UNK: variants seen among roughly 807,000 people sequenced by gnomAD.
UNK encodes unk zinc finger.
Under a neutral mutation model 97.6 loss-of-function variants are expected in UNK, and 32 were observed. The ratio of observed to expected loss-of-function variants is 0.33; its 90% CI spans 0.25 to 0.44. UNK has a LOEUF of 0.44. UNK is among the 20% of genes least tolerant of loss of function. The pLI is 1.00. For synonymous variants in UNK, 441 were observed against 461.2 expected (o/e 0.96, Z 0.56); for missense variants, 771 against 1,098.4 (o/e 0.70, Z 4.21).
Position 75,824,493 on chromosome 17 carries a change from T to TGA in UNK, c.*76_*77insGA. 1.2e-6 allele frequency: 1 copy of TGA among 861,074 alleles called. No homozygotes were observed. Among genetic ancestry groups the TGA allele is most frequent in the Non-Finnish European group, 1.5e-6 (1 of 668,432 alleles). The allele number at this position is 861,074 out of a possible 1,614,324, so 53.3% of individuals were successfully genotyped here. A position where few individuals can be genotyped will look rare whatever the true frequency, so the allele number is the denominator to read the frequency against. On this transcript the variant is annotated 3_prime_UTR_variant, in exon 16 of 16. Coordinates refer to ENST00000589666, the MANE Select transcript of UNK (RefSeq NM_001080419.3). This position sits in a 1 kb window ranked among gnomAD's most constrained non-coding sequence, Gnocchi z 4.9. ...TAAAGTATATATATATATATGAATA[T>TGA]ATATATATATGTGTATGTATGTATG...
chr17:75,798,037 T>C (rs2061822327), intron 1 of UNK, among the ~76,000 whole-genome samples: 1 of 151,182 alleles, frequency 6.6e-6, no homozygotes, highest in Non-Finnish European at 1.5e-5. Context: ...CATGCAGACA[T>C]GCACTCCACA....
chr17:75,813,904 G>T (rs1480985544), intron 6 of UNK, 26 bp downstream of exon 6: 2 of 1,539,582 alleles, frequency 1.3e-6, no homozygotes, highest in South Asian at 2.4e-5. Flanking sequence ...GGGTGGGGGG[G>T]TGGCTTTGGG....
At chr17:75,823,819 T>C (rs1049483513) in intron 15 of UNK, among the ~76,000 whole-genome samples, 2 of 152,130 alleles carry the variant, frequency 1.3e-5, no homozygotes, top group African/African-American at 4.8e-5. Context: ...ACACCCTCCA[T>C]GGAGCAGCGG....
In UNK at chr17:75,816,047, T is replaced by A. The variant is rs899717476; in HGVS notation, c.962-723T>A. On this transcript the variant is annotated intron_variant, in intron 7 of 15. Coordinates refer to ENST00000589666, the MANE Select transcript of UNK (RefSeq NM_001080419.3). The surrounding 1 kb of genome is among the most constrained non-coding windows in gnomAD (Gnocchi z 4.0). ...ATTTCACCTTTTTTTGTACTAAGTC[T>A]ATGAGATCTGATAGCATTTTAATGC... Among the ~76,000 whole-genome samples the A allele has an allele frequency of 6.6e-6, 1 of 152,220 alleles. No homozygotes were observed. Among genetic ancestry groups the A allele is most frequent in the African/African-American group, 2.4e-5 (1 of 41,452 alleles).
At chr17:75,815,124 T>C (rs1347118304) in intron 6 of UNK, 45 bp from the exon 7 acceptor site, 2 of 1,578,626 alleles carry the variant, frequency 1.3e-6, no homozygotes, top group East Asian at 4.5e-5. Context: ...CTGCCCGGCC[T>C]TCCCTCAGGG....
intron 1 of UNK, among the ~76,000 whole-genome samples, chr17:75,796,992 T>C (rs1181769917): frequency 6.6e-6 from 1 of 152,330 alleles, no homozygotes; most frequent in Admixed American, 6.5e-5. Flanking sequence ...AAGAAGTAGC[T>C]AGCAGGGTTA....
rs1042596967 is a variant in UNK at position 75,812,448 on chromosome 17, C to T, written c.492-7C>T. The T allele has an allele frequency of 1.2e-6, 2 of 1,609,730 alleles. No individual in the cohort carries two copies. Among genetic ancestry groups the T allele is most frequent in the Non-Finnish European group, 8.5e-7 (1 of 1,178,550 alleles). Reference sequence around the variant, plus strand: ...TCCACCCTCTCTGTTCTTTCCTCTCCTCCCAGGGAGCTTCAGGCCATGGAG... The same window carrying T: ...TCCACCCTCTCTGTTCTTTCCTCTCTTCCCAGGGAGCTTCAGGCCATGGAG... On this transcript the variant is annotated splice_region_variant and splice_polypyrimidine_tract_variant and intron_variant, in intron 3 of 15. Transcript: ENST00000589666.
At chr17:75,786,470 TTTC>T (rs1308464280) in intron 1 of UNK, among the ~76,000 whole-genome samples, 2 of 152,206 alleles carry the variant, frequency 1.3e-5, no homozygotes, top group African/African-American at 2.4e-5. Flanking sequence ...ATAGAAAGGC[TTTC>T]TTATTTTGGA....
intron 1 of UNK, among the ~76,000 whole-genome samples, chr17:75,790,333 A>G (rs989289692): frequency 2.0e-5 from 3 of 152,078 alleles, no homozygotes; most frequent in Non-Finnish European, 1.5e-5. Flanking sequence ...AAGGTCACAG[A>G]AAAACTACCA....
chr17:75,801,094 G>A (rs944452674), intron 1 of UNK, among the ~76,000 whole-genome samples: 24 of 151,898 alleles, frequency 1.6e-4, no homozygotes, highest in African/African-American at 5.3e-4. Context: ...TAGTAGAGAC[G>A]GGGTTTCACC....
At chr17:75,803,972 G>A in intron 1 of UNK, among the ~76,000 whole-genome samples, 1 of 152,178 alleles carries the variant, frequency 6.6e-6, no homozygotes, top group Non-Finnish European at 1.5e-5. Context: ...TATGCTTCAG[G>A]GAAGTCATGT....
rs1328713618 is a variant in UNK at position 75,816,840 on chromosome 17, G to A, written c.1032G>A (p.Leu344=). Residue 344 remains leucine, a synonymous_variant, in exon 8 of 16, where the codon CTG becomes CTA. Transcript: ENST00000589666. This position sits in a 1 kb window ranked among gnomAD's most constrained non-coding sequence, Gnocchi z 4.0. ...VSSPTQPGPV[L]YMPSAAGDSV... ...GCCCCACCCAGCCAGGTCCTGTCCT[G>A]TACATGCCATCTGCCGCCGGAGACT... 3.7e-6 allele frequency: 6 copies of A among 1,607,658 alleles called. No homozygotes were observed. The highest frequency in any genetic ancestry group is 2.7e-5 in the African/African-American group (2 of 74,878).
chr17:75,815,088 C>G (rs907566150), intron 6 of UNK, 81 bp from the exon 7 acceptor site: 2 of 1,286,850 alleles, frequency 1.6e-6, no homozygotes, highest in Non-Finnish European at 2.2e-6. Context: ...ACTAAGCCAG[C>G]GCACTCATGC....
chr17:75,816,800 C>T lies in UNK; in HGVS notation c.992C>T (p.Ser331Phe). The T allele has an allele frequency of 1.9e-6, 3 of 1,606,032 alleles. No homozygotes were observed. Among genetic ancestry groups the T allele is most frequent in the Non-Finnish European group, 2.5e-6 (3 of 1,179,672 alleles). Reference sequence around the variant, plus strand: ...CCCCTGAGTGACGACCTGCAGCCTTCCTCAGCTGTGTCCAGCCCCACCCAG... The same window carrying T: ...CCCCTGAGTGACGACCTGCAGCCTTTCTCAGCTGTGTCCAGCCCCACCCAG... ...QPPLSDDLQPSSAVSSPTQPG... is the reference protein window; with the variant it reads ...QPPLSDDLQPFSAVSSPTQPG... The change falls in exon 8 of 16, where the codon TCC becomes TTC. Residue 331 changes from serine to phenylalanine, a missense_variant. Coordinates refer to ENST00000589666, the MANE Select transcript of UNK (RefSeq NM_001080419.3). This position sits in a 1 kb window ranked among gnomAD's most constrained non-coding sequence, Gnocchi z 4.0.
intron 1 of UNK, chr17:75,794,101 A>G: frequency 1.0e-6 from 1 of 983,820 alleles, no homozygotes; most frequent in South Asian, 4.7e-5. Context: ...TTTCCTGATT[A>G]AAAACAAAGT....
In UNK at chr17:75,817,035, C is replaced by G. The variant is rs2143804616; in HGVS notation, c.1104+123C>G. 10 of 1,379,124 alleles carry G rather than the reference C, an allele frequency of 7.3e-6. No homozygotes were observed. In the South Asian group the frequency reaches 1.5e-4, roughly 20 times the overall value. 85.4% of individuals were successfully genotyped at this position (1,379,124 alleles called of 1,614,324 possible). A position where few individuals can be genotyped will look rare whatever the true frequency, so the allele number is the denominator to read the frequency against. ...GTATTTGTCCTCAGGCCAGGGGGAT[C>G]TGTCTTTTCCATCTCAGCATTCTTC... On this transcript the variant is annotated intron_variant, in intron 8 of 15. Coordinates refer to ENST00000589666, the MANE Select transcript of UNK (RefSeq NM_001080419.3). This position sits in a 1 kb window ranked among gnomAD's most constrained non-coding sequence, Gnocchi z 5.8.
At position 75,816,442 on chromosome 17, in the gene UNK, A is replaced by G. The variant is rs2062016590; in HGVS notation, c.962-328A>G. On this transcript the variant is annotated intron_variant, in intron 7 of 15. Coordinates refer to ENST00000589666, the MANE Select transcript of UNK (RefSeq NM_001080419.3). This position sits in a 1 kb window ranked among gnomAD's most constrained non-coding sequence, Gnocchi z 4.0. The stretch of plus-strand genomic sequence containing the variant: ...TTCAGGCTTTGGAGTTGTACAGATC[A>G]GCGTTCAAGACCCAGCTCCTCTGTG... Among the ~76,000 whole-genome samples, 2 of 152,216 alleles carry G rather than the reference A, an allele frequency of 1.3e-5. No homozygotes were observed. Among genetic ancestry groups the G allele is most frequent in the Non-Finnish European group, 2.9e-5 (2 of 68,038 alleles).
At position 75,816,641 on chromosome 17, in the gene UNK, A is replaced by G. The variant is rs1192422382; in HGVS notation, c.962-129A>G. The G allele has an allele frequency of 7.2e-6, 8 of 1,110,580 alleles. No homozygotes were observed. Among genetic ancestry groups the G allele is most frequent in the Non-Finnish European group, 8.7e-6 (7 of 808,606 alleles). 68.8% of individuals were successfully genotyped at this position (1,110,580 alleles called of 1,614,324 possible). A position where few individuals can be genotyped will look rare whatever the true frequency, so the allele number is the denominator to read the frequency against. ...GTAAATGCACAGACATGGTGTTACT[A>G]GAGATGTCGTAGGAACCTTCCCTTT... is the stretch of plus-strand genomic sequence containing the variant. On this transcript the variant is annotated intron_variant, in intron 7 of 15. Coordinates refer to ENST00000589666, the MANE Select transcript of UNK (RefSeq NM_001080419.3). The surrounding 1 kb of genome is among the most constrained non-coding windows in gnomAD (Gnocchi z 4.0).
intron 2 of UNK, among the ~76,000 whole-genome samples, chr17:75,811,518 G>A (rs1037218465): frequency 2.6e-5 from 4 of 152,166 alleles, no homozygotes; most frequent in Non-Finnish European, 5.9e-5. Flanking sequence ...CTTCTCTGAC[G>A]GCCCCCAAGC....
Sources: allele counts gnomAD v4.1 joint callset (sites outside exome capture counted in the v4.1 genomes callset), GRCh38; gene constraint gnomAD v4.1.1; non-coding constraint Gnocchi (gnomAD v3.1); transcripts MANE v1.5; gene names NCBI Gene and HGNC (gene_info 2026-07-23, HGNC 2026-07-21).